Variants in ASH1L observed in about 807,000 individuals in gnomAD.
ASH1L encodes ASH1 like histone lysine methyltransferase.
ASH1L carries 23 observed loss-of-function variants against 269.0 expected under a neutral mutation model. That is an observed-to-expected ratio of 0.09 (90% CI 0.06 to 0.12). ASH1L has a LOEUF of 0.12. Ranked by LOEUF, ASH1L falls within the 10% of genes least tolerant of loss-of-function variation. The probability of loss-of-function intolerance (pLI) is 1.00; values close to 1 mark genes in which losing one functional copy is unlikely to be tolerated. For synonymous variants in ASH1L, 1,187 were observed against 1,253.5 expected (o/e 0.95, Z 1.12); for missense variants, 2,912 against 3,567.8 (o/e 0.82, Z 4.68).
chr1:155,525,223 G>T (rs867153485), intron 1 of ASH1L, among the ~76,000 whole-genome samples: 20 of 151,724 alleles, frequency 1.3e-4, no homozygotes, highest in African/African-American at 3.9e-4. Flanking sequence ...CTCCAGCCCG[G>T]GCAACAGAGC....
In ASH1L at chr1:155,434,837, C is replaced by T. The variant is rs145988659; in HGVS notation, c.5828+3490G>A. 1.3e-4 allele frequency among the ~76,000 whole-genome samples: 20 copies of T among 150,630 alleles called. 1 individual carries two copies. The East Asian group carries it at 3.7e-3, about 28-fold the overall frequency. On this transcript the variant is annotated intron_variant, in intron 5 of 27. Coordinates refer to ENST00000392403, the MANE Select transcript of ASH1L (RefSeq NM_018489.3). The stretch of plus-strand genomic sequence containing the variant: ...CTGTATACCAGCCTGGGCGACAGAG[C>T]GAGACTCCGTCTCAAAAAAAAAGAA...
intron 10 of ASH1L, among the ~76,000 whole-genome samples, chr1:155,372,847 T>C (rs1558041065): frequency 6.6e-6 from 1 of 152,198 alleles, no homozygotes; most frequent in Non-Finnish European, 1.5e-5. Flanking sequence ...AGGAATTTTA[T>C]ATTACATTAA....
At chr1:155,410,603 G>A (rs1434565723) in intron 6 of ASH1L, among the ~76,000 whole-genome samples, 1 of 152,134 alleles carries the variant, frequency 6.6e-6, no homozygotes, top group Non-Finnish European at 1.5e-5. Flanking sequence ...GCCGCCTAAA[G>A]TGCTGGGATT....
chr1:155,520,763 G>A (rs1668834103), intron 2 of ASH1L, among the ~76,000 whole-genome samples: 1 of 152,030 alleles, frequency 6.6e-6, no homozygotes, highest in Admixed American at 6.6e-5. Context: ...TCGGGAGGCT[G>A]AGGCAGGAGA....
chr1:155,426,391 C>T lies in ASH1L; in HGVS notation c.5829-10468G>A, dbSNP rs1168969142. ...AGCTTTTTGTATTTTTTAGTAGAGA[C>T]GGGGTTTCACCGTGTTAGCCAGGAT... On this transcript the variant is annotated intron_variant, in intron 5 of 27. Transcript: ENST00000392403. 6.6e-5 allele frequency among the ~76,000 whole-genome samples: 10 copies of T among 151,954 alleles called. 1 individual carries two copies. The East Asian group carries it at 7.8e-4, about 12-fold the overall frequency.
chr1:155,438,219 A>T (rs1263008522), intron 5 of ASH1L, 108 bp downstream of exon 5: 1 of 1,174,822 alleles, frequency 8.5e-7, no homozygotes, highest in Non-Finnish European at 1.2e-6. Context: ...GGTCTCATAT[A>T]GTAAAAAATG....
At position 155,347,678 on chromosome 1, in the gene ASH1L, A is replaced by G; in HGVS notation, c.7781T>C (p.Met2594Thr). 6.2e-7 allele frequency: 1 copy of G among 1,614,130 alleles called. No homozygotes were observed. The highest frequency in any genetic ancestry group is 8.5e-7 in the Non-Finnish European group (1 of 1,180,032). ...CACCATGCACTTGTCACACTGGATC[A>G]TGAGACCTTCATCCTTGTAGAGGCC... ...ICGLYKDEGL[M>T]IQCDKCMVWQ... Residue 2594 changes from methionine (M) to threonine (T), a missense_variant, in exon 20 of 28, where the codon ATG (methionine) becomes ACG (threonine). By Grantham distance (81) the Met-to-Thr change is moderately conservative. This residue lies in a region of ASH1L where 2 missense variants were observed against 18.5 expected (regional missense o/e 0.11). Coordinates refer to ENST00000392403, the MANE Select transcript of ASH1L (RefSeq NM_018489.3).
intron 20 of ASH1L, among the ~76,000 whole-genome samples, chr1:155,347,136 T>C (rs1360055953): frequency 1.3e-5 from 2 of 152,194 alleles, no homozygotes; most frequent in Non-Finnish European, 2.9e-5. Context: ...TGGTGGCTCA[T>C]GCCTGTAATC....
At chr1:155,476,200 C>T (rs540313569) in intron 3 of ASH1L, among the ~76,000 whole-genome samples, 83 of 152,036 alleles carry the variant, frequency 5.5e-4, no homozygotes, top group Non-Finnish European at 1.1e-3. Flanking sequence ...TCCTGGCTAA[C>T]ACGGTGAAAC....
Position 155,479,837 on chromosome 1 carries a change from T to G in ASH1L, c.3033A>C (p.Lys1011Asn). ...ILSSSVESSNKGKVQSKLHNT... is the reference protein window; with the variant it reads ...ILSSSVESSNNGKVQSKLHNT... ...TATGGAGTTTGGATTGCACTTTCCC[T>G]TTATTACTTGATTCTACAGAACTTG... The change falls in exon 3 of 28, where the codon AAA (lysine) becomes AAC (asparagine). Residue 1011 changes from lysine to asparagine, a missense_variant. Physicochemically the swap from Lys to Asn is moderately conservative, Grantham distance 94. Around this residue, in one of 13 missense-constraint regions of ASH1L, gnomAD observed 715 missense variants for 721.0 expected, o/e 0.99. Transcript: ENST00000392403. 3 of 1,614,036 alleles carry G rather than the reference T, an allele frequency of 1.9e-6. No homozygotes were observed. The highest frequency in any genetic ancestry group is 2.5e-6 in the Non-Finnish European group (3 of 1,179,976).
At chr1:155,447,253 T>A (rs1030131042) in intron 4 of ASH1L, among the ~76,000 whole-genome samples, 35 of 152,206 alleles carry the variant, frequency 2.3e-4, no homozygotes, top group African/African-American at 4.8e-4. Context: ...AGCTTTTTTT[T>A]AAAAACCATG....
chr1:155,441,964 G>C (rs1193288779), intron 4 of ASH1L, among the ~76,000 whole-genome samples: 1 of 151,824 alleles, frequency 6.6e-6, no homozygotes, highest in Non-Finnish European at 1.5e-5. Context: ...ATGGAGTTTT[G>C]CCATGTTGCC....
intron 21 of ASH1L, among the ~76,000 whole-genome samples, chr1:155,345,327 C>T (rs1203117325): frequency 6.6e-6 from 1 of 151,296 alleles, no homozygotes; most frequent in African/African-American, 2.4e-5. Flanking sequence ...ATTACAGGCG[C>T]CTGCCACTGC....
Position 155,480,866 on chromosome 1 carries a change from T to C in ASH1L, c.2004A>G (p.Ser668=). ...SESSIHTITP[S]VVNFTSLFSN... ...TAAATAAACTAGTGAAGTTAACAAC[T>C]GAAGGAGTAATAGTATGAATGCTGG... The change falls in exon 3 of 28, where the codon TCA becomes TCG. Residue 668 remains serine, a synonymous_variant. Transcript: ENST00000392403. The C allele has an allele frequency of 6.2e-7, 1 of 1,613,906 alleles. No individual in the cohort carries two copies. The highest frequency in any genetic ancestry group is 8.5e-7 in the Non-Finnish European group (1 of 1,179,924).
At chr1:155,402,051 C>G (rs894476328) in intron 6 of ASH1L, among the ~76,000 whole-genome samples, 3 of 147,012 alleles carry the variant, frequency 2.0e-5, no homozygotes, top group Non-Finnish European at 4.5e-5. Context: ...GGTTGCACCA[C>G]TGCACACCAG....
chr1:155,371,015 T>C, intron 10 of ASH1L, 32 bp from the exon 11 acceptor site: 1 of 1,600,388 alleles, frequency 6.2e-7, no homozygotes, highest in Non-Finnish European at 8.6e-7. Flanking sequence ...GTACATCAAC[T>C]TACATGATAC....
At chr1:155,549,436 A>G (rs1190025887) in intron 1 of ASH1L, among the ~76,000 whole-genome samples, 2 of 152,058 alleles carry the variant, frequency 1.3e-5, no homozygotes. Context: ...TCAGGAGTTC[A>G]AGACCAGCCT....
intron 2 of ASH1L, among the ~76,000 whole-genome samples, chr1:155,492,402 C>G (rs1297052126): frequency 1.3e-5 from 2 of 152,116 alleles, no homozygotes; most frequent in Non-Finnish European, 2.9e-5. Context: ...ACTACACTTT[C>G]AATTAATTAT....
Position 155,378,285 on chromosome 1 carries a change from T to C in ASH1L, c.6328A>G (p.Asn2110Asp), listed in dbSNP as rs1443651912. 1 of 1,612,278 alleles carries C rather than the reference T, an allele frequency of 6.2e-7. No homozygotes were observed. The highest frequency in any genetic ancestry group is 8.5e-7 in the Non-Finnish European group (1 of 1,178,418). ...GAAATCAAAGCATGACAGTACCTATTGAGGCAGTCATCAACACAGCCCTTC... is the reference window on the plus strand; with the variant it reads ...GAAATCAAAGCATGACAGTACCTATCGAGGCAGTCATCAACACAGCCCTTC... ...TRKGCVDDCLNRMIFAECSPN... is the reference protein window; with the variant it reads ...TRKGCVDDCLDRMIFAECSPN... The change falls in exon 10 of 28, where the codon AAT (asparagine) becomes GAT (aspartate). Residue 2110 changes from asparagine (N) to aspartate (D), a missense_variant. Physicochemically the swap from Asn to Asp is conservative, Grantham distance 23 (BLOSUM62 1). Around this residue, in one of 13 missense-constraint regions of ASH1L, gnomAD observed 193 missense variants for 311.6 expected, o/e 0.62. Transcript: ENST00000392403.
Sources: gnomAD v4.1 joint callset for allele counts (sites outside exome capture counted in the v4.1 genomes callset) on GRCh38, gnomAD v4.1.1 for gene constraint, gnomAD v4.1.1 regional missense constraint, MANE v1.5 for transcripts, NCBI Gene and HGNC (gene_info 2026-07-23, HGNC 2026-07-21) for gene names.